Variants in PACRGL observed in about 807,000 individuals in gnomAD.
The protein encoded by PACRGL is parkin coregulated like, also known as PACRG-like protein.
A neutral mutation model predicts 34.5 loss-of-function variants in PACRGL; 38 were observed. The observed-to-expected ratio is 1.10, with a 90% confidence interval of 0.85 to 1.44. PACRGL has a LOEUF of 1.44. PACRGL is among the 40% of genes most tolerant of loss of function. PACRGL has a pLI of 0.00. For missense variants in PACRGL, 305 were observed against 281.4 expected (o/e 1.08, Z -0.60); for synonymous variants, 128 against 100.1 (o/e 1.28, Z -1.66).
At chr4:20,758,840 C>T in the PACRGL span, 46 of 1,612,830 alleles carry the variant, frequency 2.9e-5, no homozygotes, top group South Asian at 2.0e-4. Context: ...GAAAGAACTG[C>T]GAGTAAATCT....
intron 3 of PACRGL, among the ~76,000 whole-genome samples, 191 bp downstream of exon 3, chr4:20,705,005 G>C (rs1733893247): frequency 2.0e-5 from 3 of 152,170 alleles, no homozygotes; most frequent in Non-Finnish European, 4.4e-5. Context: ...TGGAGGTAAG[G>C]AGACATAGAA....
chr4:20,732,822 A>C, downstream of PACRGL: 1 of 1,219,580 alleles, frequency 8.2e-7, no homozygotes, highest in South Asian at 1.2e-5. Flanking sequence ...GGCTGCACAC[A>C]TGTATGAAGA....
chr4:20,701,919 G>A (rs1434042028), intron 1 of PACRGL: 2 of 455,586 alleles, frequency 4.4e-6, no homozygotes, highest in East Asian at 6.9e-5. Context: ...AAAAGCAATT[G>A]TTTTGGAAGG....
chr4:20,743,067 A>G lies in PACRGL; in HGVS notation c.*57-9498A>G, dbSNP rs1007963354. On this transcript the variant is annotated intron_variant, in intron 8 of 8. Transcript: ENST00000507634. ...CCTTATAAGGGTGTGAAGGACCCTT[A>G]TAAGTTCACCCTTATGTGAACTACG... 2.8e-5 allele frequency among the ~76,000 whole-genome samples: 4 copies of G among 144,210 alleles called. No homozygotes were observed. In the East Asian group the frequency reaches 6.1e-4, roughly 22 times the overall value. The allele number at this position is 144,210 out of a possible 152,430, so 94.6% of individuals were successfully genotyped here.
intron 7 of PACRGL, chr4:20,716,253 G>C: frequency 4.0e-6 from 3 of 742,506 alleles, no homozygotes; most frequent in Non-Finnish European, 4.7e-6. Context: ...GCAAAGGTAA[G>C]AGGCACATAG....
At chr4:20,749,615 A>G (rs768879714) in intron 8 of PACRGL, 2 of 1,331,550 alleles carry the variant, frequency 1.5e-6, no homozygotes, top group South Asian at 2.6e-5. Context: ...CCCTAAAAAG[A>G]CTAAACTCTA....
chr4:20,706,010 G>A (rs1040691005), intron 3 of PACRGL, among the ~76,000 whole-genome samples: 1 of 150,814 alleles, frequency 6.6e-6, no homozygotes, highest in African/African-American at 2.4e-5. Flanking sequence ...TTAAATATTT[G>A]AGTTAAAAAA....
chr4:20,741,027 C>T (rs1553886378), intron 8 of PACRGL, among the ~76,000 whole-genome samples: 1 of 152,112 alleles, frequency 6.6e-6, no homozygotes, highest in Non-Finnish European at 1.5e-5. Context: ...GCTAACTATC[C>T]TAAATATATA....
At chr4:20,745,215 T>G (rs188758199) in intron 8 of PACRGL, among the ~76,000 whole-genome samples, 1 of 102,744 alleles carries the variant, frequency 9.7e-6, no homozygotes, top group Non-Finnish European at 2.2e-5. Context: ...GAAATTACCA[T>G]TTTTTTTTGT....
downstream of PACRGL, among the ~76,000 whole-genome samples, chr4:20,735,041 C>T (rs1010910244): frequency 2.2e-4 from 33 of 152,136 alleles, no homozygotes; most frequent in African/African-American, 7.7e-4. Flanking sequence ...TGCAAGTGCA[C>T]ATGATTTACT....
chr4:20,707,470 CA>C (rs1251728528), intron 3 of PACRGL, among the ~76,000 whole-genome samples: 1 of 152,084 alleles, frequency 6.6e-6, no homozygotes, highest in African/African-American at 2.4e-5. Context: ...GTGCAGGTGG[CA>C]AAAAACAAAT....
chr4:20,717,775 C>G (rs941993607), intron 7 of PACRGL, among the ~76,000 whole-genome samples: 3 of 152,126 alleles, frequency 2.0e-5, no homozygotes, highest in African/African-American at 4.8e-5. Context: ...TGTGATGCCT[C>G]CAGCTTTGTT....
At chr4:20,763,819 A>G in the PACRGL span, among the ~76,000 whole-genome samples, 1 of 152,130 alleles carries the variant, frequency 6.6e-6, no homozygotes, top group Admixed American at 6.5e-5. Context: ...TGGCCTGCCA[A>G]AGTGCTGGGA....
At chr4:20,709,826 A>G (rs1044624423) in intron 5 of PACRGL, 53 bp downstream of exon 5, 6 of 1,411,898 alleles carry the variant, frequency 4.2e-6, no homozygotes, top group African/African-American at 2.8e-5. Flanking sequence ...TAAAAATTGC[A>G]TTAAATGCTA....
intron 8 of PACRGL, among the ~76,000 whole-genome samples, chr4:20,746,333 G>A (rs1165872316): frequency 6.6e-6 from 1 of 151,868 alleles, no homozygotes; most frequent in Non-Finnish European, 1.5e-5. Context: ...GAGAACACAC[G>A]GACATAGGAA....
intron 8 of PACRGL, 96 bp downstream of exon 8, chr4:20,724,984 C>A: frequency 3.1e-6 from 2 of 637,708 alleles, no homozygotes; most frequent in Non-Finnish European, 4.6e-6. Context: ...TATCTCATTT[C>A]AGCCACAGGT....
chr4:20,729,744 AAC>A lies in PACRGL; in HGVS notation c.*2406_*2407del. The A allele has an allele frequency of 5.0e-6, 1 of 201,838 alleles. No homozygotes were observed. Among genetic ancestry groups the A allele is most frequent in the Admixed American group, 5.9e-5 (1 of 17,010 alleles). The allele number at this position is 201,838 out of a possible 1,614,324, so 12.5% of individuals were successfully genotyped here. A position where few individuals can be genotyped will look rare whatever the true frequency, so the allele number is the denominator to read the frequency against. On this transcript the variant is annotated 3_prime_UTR_variant, in exon 9 of 9. Coordinates refer to ENST00000503585, the MANE Select transcript of PACRGL (RefSeq NM_001258345.3). ...GAATACATACAAATGAGTAGCAAAA[AAC>A]ACTGATATTTTAAAATCACTGATAT...
chr4:20,738,284 G>A (rs140821133), intron 8 of PACRGL, among the ~76,000 whole-genome samples: 16 of 152,246 alleles, frequency 1.1e-4, no homozygotes, highest in South Asian at 6.2e-4. Context: ...AATTCACAGC[G>A]TAGTAATAAT....
Position 20,729,617 on chromosome 4 carries a change from A to G in PACRGL, c.*2276A>G, listed in dbSNP as rs745455219. ...TGTTTCCTTAAAGTATATAAATGGA[A>G]TTTAAATGGAATTACAGCATTCAAA... On this transcript the variant is annotated 3_prime_UTR_variant, in exon 9 of 9. Transcript: ENST00000503585. 2 of 69,798 alleles carry G rather than the reference A, an allele frequency of 2.9e-5. No homozygotes were observed. The highest frequency in any genetic ancestry group is 6.1e-5 in the Non-Finnish European group (2 of 32,702). The allele number at this position is 69,798 out of a possible 1,614,324, so 4.3% of individuals were successfully genotyped here.
Sources: allele counts gnomAD v4.1 joint callset (sites outside exome capture counted in the v4.1 genomes callset), GRCh38; gene constraint gnomAD v4.1.1; transcripts MANE v1.5; gene names NCBI Gene and HGNC (gene_info 2026-07-23, HGNC 2026-07-21).